Variants in ABTB1 observed in about 807,000 individuals in gnomAD.
The protein encoded by ABTB1 is ankyrin repeat and BTB domain containing 1.
A neutral mutation model predicts 57.1 loss-of-function variants in ABTB1; 45 were observed. That is an observed-to-expected ratio of 0.79 (90% confidence interval 0.62 to 1.01). ABTB1 has a LOEUF of 1.01. Ranked by LOEUF, ABTB1 falls within the 50% of genes least tolerant of loss-of-function variation. The probability of loss-of-function intolerance (pLI) is 0.00; values close to 1 mark genes in which losing one functional copy is unlikely to be tolerated. For missense variants in ABTB1, 630 were observed against 666.3 expected (o/e 0.95, Z 0.60); for synonymous variants, 302 against 275.4 (o/e 1.10, Z -0.95).
Position 127,673,078 on chromosome 3 carries a change from T to C in ABTB1, c.53T>C (p.Val18Ala). The C allele has an allele frequency of 6.4e-7, 1 of 1,569,856 alleles. No homozygotes were observed. The highest frequency in any genetic ancestry group is 8.6e-7 in the Non-Finnish European group (1 of 1,158,180). Residue 18 changes from valine to alanine, a missense_variant, in exon 1 of 12, where the codon GTG (valine) becomes GCG (alanine). Transcript: ENST00000232744. Reference protein sequence around the residue: ...ASCRKGDVGRVRYLLEQRDVE... With the variant: ...ASCRKGDVGRARYLLEQRDVE... ...TGCAGGAAGGGGGATGTGGGCCGAG[T>C]GCGGTGAGGACCTCGCAGTCCCGGG...
intron 10 of ABTB1, 185 bp from the exon 11 acceptor site, chr3:127,679,800 G>C: frequency 1.7e-6 from 1 of 592,708 alleles, no homozygotes; most frequent in Non-Finnish European, 3.0e-6. Flanking sequence ...CGGTCCTGCA[G>C]ATCCCTGTGG....
intron 3 of ABTB1, chr3:127,675,757 T>A: frequency 3.3e-6 from 2 of 610,204 alleles, no homozygotes; most frequent in Non-Finnish European, 5.7e-6. Flanking sequence ...TCCGTGTGAG[T>A]GAGTATGTGC....
Position 127,676,019 on chromosome 3 carries a change from GGCACTGA to G in ABTB1, c.227_233del (p.Ala76ValfsTer32). On this transcript the variant is annotated frameshift_variant, in exon 4 of 12. Coordinates refer to ENST00000232744, the MANE Select transcript of ABTB1 (RefSeq NM_172027.3). LOFTEE classifies it high-confidence loss of function. This position sits in a 1 kb window ranked among gnomAD's most constrained non-coding sequence, Gnocchi z 5.4. ...TCGATGGTGAGCGCTGCCTCTATGG[GGCACTGA>G]GTGACCCCATCCGCCGGGCTCTACG... 6.2e-7 allele frequency: 1 copy of G among 1,612,724 alleles called. No homozygotes were observed. The highest frequency in any genetic ancestry group is 1.1e-5 in the South Asian group (1 of 91,006).
At chr3:127,677,308 A>C (rs754869761) in intron 8 of ABTB1, 22 bp downstream of exon 8, 11 of 1,582,696 alleles carry the variant, frequency 7.0e-6, no homozygotes, top group Non-Finnish European at 8.6e-6. Flanking sequence ...GCTGGTGGGC[A>C]GGAAGGGCGT....
intron 1 of ABTB1, 196 bp downstream of exon 1, chr3:127,673,277 A>T: frequency 4.5e-6 from 2 of 439,674 alleles, no homozygotes; most frequent in Non-Finnish European, 7.4e-6. Context: ...GGGCGGGGAC[A>T]CTGATGGCCA....
Position 127,676,338 on chromosome 3 carries a change from T to G in ABTB1, c.387T>G (p.His129Gln). Residue 129 changes from histidine (H) to glutamine (Q), a missense_variant, in exon 5 of 12, where the codon CAT becomes CAG. Coordinates refer to ENST00000232744, the MANE Select transcript of ABTB1 (RefSeq NM_172027.3). The surrounding 1 kb of genome is among the most constrained non-coding windows in gnomAD (Gnocchi z 5.4). ...TACACGGGAAGCCATTCCGGGTGCA[T>G]CGCTGCGTCCTGGGTGCACGTAGTG... ...FVVHGKPFRV[H>Q]RCVLGARSAY... 6.2e-7 allele frequency: 1 copy of G among 1,614,106 alleles called. No homozygotes were observed. The highest frequency in any genetic ancestry group is 8.5e-7 in the Non-Finnish European group (1 of 1,179,996).
At chr3:127,674,369 C>T in intron 1 of ABTB1, 22 bp from the exon 2 acceptor site, 5 of 1,598,438 alleles carry the variant, frequency 3.1e-6, no homozygotes, top group Non-Finnish European at 4.3e-6. Context: ...CTGACCCAGG[C>T]TCTGACCTCC....
At chr3:127,678,527 G>A (rs2075044020) in intron 10 of ABTB1, 1 of 152,538 alleles carries the variant, frequency 6.6e-6, no homozygotes, top group Non-Finnish European at 1.5e-5. Context: ...CAGGTTCTGT[G>A]GGCCATATGG....
In ABTB1 at chr3:127,673,039, A is replaced by G. The variant is rs1342902440; in HGVS notation, c.14A>G (p.Asp5Gly). 6.4e-7 allele frequency: 1 copy of G among 1,573,240 alleles called. No homozygotes were observed. The highest frequency in any genetic ancestry group is 8.6e-7 in the Non-Finnish European group (1 of 1,159,864). The change falls in exon 1 of 12, where the codon GAC becomes GGC. Residue 5 changes from aspartate to glycine, a missense_variant. Physicochemically the swap from Asp to Gly is moderately conservative, Grantham distance 94 (BLOSUM62 -1). Coordinates refer to ENST00000232744, the MANE Select transcript of ABTB1 (RefSeq NM_172027.3). ...ATCCTCCGCGCCATGGACACCAGCG[A>G]CCTGTTCGCCAGCTGCAGGAAGGGG... is the stretch of plus-strand genomic sequence containing the variant. MDTS[D>G]LFASCRKGDV...
rs764861864 is a variant in ABTB1 at position 127,677,832 on chromosome 3, G to A, written c.1018G>A (p.Asp340Asn). 33 of 1,611,660 alleles carry A rather than the reference G, an allele frequency of 2.0e-5. No individual in the cohort carries two copies. The highest frequency in any genetic ancestry group is 2.7e-5 in the African/African-American group (2 of 74,898). Residue 340 changes from aspartate to asparagine, a missense_variant, in exon 10 of 12, where the codon GAC (aspartate) becomes AAC (asparagine). By Grantham distance (23) the Asp-to-Asn change is conservative. This residue lies in a region of ABTB1 where 579 missense variants were observed against 585.9 expected (regional missense o/e 0.99). Coordinates refer to ENST00000232744, the MANE Select transcript of ABTB1 (RefSeq NM_172027.3). ...FTHVLYYMYSDHTELSPEAAY... is the reference protein window; with the variant it reads ...FTHVLYYMYSNHTELSPEAAY... ...TCACGTGCTCTACTACATGTACAGCGACCACACTGAGGTGGGGGCTCAGGC... is the reference window on the plus strand; with the variant it reads ...TCACGTGCTCTACTACATGTACAGCAACCACACTGAGGTGGGGGCTCAGGC...
At chr3:127,675,911 G>T (rs2107554317) in intron 3 of ABTB1, 59 bp from the exon 4 acceptor site, 1 of 1,577,632 alleles carries the variant, frequency 6.3e-7, no homozygotes. Context: ...GAGGGACAGG[G>T]AGATTAGAAT....
intron 10 of ABTB1, chr3:127,679,746 C>T: frequency 5.0e-6 from 3 of 600,016 alleles, no homozygotes; most frequent in Non-Finnish European, 9.2e-6. Flanking sequence ...GCCCTGCCAG[C>T]CTGCTCAGGG....
Position 127,673,058 on chromosome 3 carries a change from G to T in ABTB1, c.33G>T (p.Arg11Ser). The T allele has an allele frequency of 6.3e-7, 1 of 1,577,306 alleles. No individual in the cohort carries two copies. MDTSDLFASC[R>S]KGDVGRVRYL... ...CCAGCGACCTGTTCGCCAGCTGCAG[G>T]AAGGGGGATGTGGGCCGAGTGCGGT... Residue 11 changes from arginine (R) to serine (S), a missense_variant, in exon 1 of 12, where the codon AGG (arginine) becomes AGT (serine). Physicochemically the swap from Arg to Ser is moderately radical, Grantham distance 110. Coordinates refer to ENST00000232744, the MANE Select transcript of ABTB1 (RefSeq NM_172027.3).
In ABTB1 at chr3:127,676,423, C is replaced by G; in HGVS notation, c.472C>G (p.His158Asp). The change falls in exon 5 of 12, where the codon CAC (histidine) becomes GAC (aspartate). Residue 158 changes from histidine (H) to aspartate (D), a missense_variant. His to Asp is a moderately conservative substitution (Grantham distance 81). Around this residue, in one of 3 missense-constraint regions of ABTB1, gnomAD observed 579 missense variants for 585.9 expected, o/e 0.99. Coordinates refer to ENST00000232744, the MANE Select transcript of ABTB1 (RefSeq NM_172027.3). This position sits in a 1 kb window ranked among gnomAD's most constrained non-coding sequence, Gnocchi z 5.4. ...WKGKSVVVLR[H>D]PLINPVAFGA... ...GGGCAAGAGTGTCGTGGTTCTCAGG[C>G]ACCCACTGGTATGTCCCTTCAGGGT... 1 of 1,613,970 alleles carries G rather than the reference C, an allele frequency of 6.2e-7. No individual in the cohort carries two copies. The highest frequency in any genetic ancestry group is 1.1e-5 in the South Asian group (1 of 91,056).
chr3:127,675,264 C>CTTTTTTTT (rs1170878832), intron 3 of ABTB1, among the ~76,000 whole-genome samples: 6 of 123,818 alleles, frequency 4.8e-5, no homozygotes, highest in Admixed American at 8.3e-5. Context: ...TTGGTTTTTT[C>CTTTTTTTT]TTTTTTTTTT....
chr3:127,680,845 G>C lies in ABTB1; in HGVS notation c.*370G>C, dbSNP rs779892498. ...AGCCCTGAATTGCTTCTCTAAGCTG[G>C]TGTTCCCATGCACAGGGCCATTCAG... On this transcript the variant is annotated 3_prime_UTR_variant, in exon 12 of 12. Coordinates refer to ENST00000232744, the MANE Select transcript of ABTB1 (RefSeq NM_172027.3). 1.6e-6 allele frequency: 1 copy of C among 623,442 alleles called. No individual in the cohort carries two copies. The highest frequency in any genetic ancestry group is 2.0e-5 in the South Asian group (1 of 49,604). The allele number at this position is 623,442 out of a possible 1,614,324, so 38.6% of individuals were successfully genotyped here.
rs773878210 is a variant in ABTB1, at chr3:127,680,774, C to A, written c.*299C>A. On this transcript the variant is annotated 3_prime_UTR_variant, in exon 12 of 12. Transcript: ENST00000232744. The stretch of plus-strand genomic sequence containing the variant: ...TCTTAGCACTTTCCTTCTCCAGATC[C>A]CCCCTACCCACCCCAGTCCCAAATC... The A allele has an allele frequency of 7.5e-6, 5 of 664,602 alleles. No homozygotes were observed. Among genetic ancestry groups the A allele is most frequent in the African/African-American group, 3.6e-5 (2 of 55,670 alleles). The allele number at this position is 664,602 out of a possible 1,614,324, so 41.2% of individuals were successfully genotyped here. A position where few individuals can be genotyped will look rare whatever the true frequency, so the allele number is the denominator to read the frequency against.
rs2074980044 is a variant in ABTB1 at position 127,676,248 on chromosome 3, C to T, written c.321-24C>T. The T allele has an allele frequency of 6.2e-7, 1 of 1,607,548 alleles. No homozygotes were observed. Among genetic ancestry groups the T allele is most frequent in the Non-Finnish European group, 8.5e-7 (1 of 1,175,154 alleles). On this transcript the variant is annotated intron_variant, in intron 4 of 11. Transcript: ENST00000232744. The surrounding 1 kb of genome is among the most constrained non-coding windows in gnomAD (Gnocchi z 5.4). ...GGGGTGGGGCTGTGCCAAGTATCCT[C>T]CCTCCTGGCTTGTCCCTCCCCAGGC...
chr3:127,677,509 C>T lies in ABTB1; in HGVS notation c.807C>T (p.Asn269=). Residue 269 remains asparagine, a synonymous_variant, in exon 9 of 12, where the codon AAC becomes AAT. Transcript: ENST00000232744. ...ELPFPCPDGF[N]SCPDICFRVA... is the part of the protein sequence containing the mutation. ...CCTTCCCTTGTCCTGACGGCTTCAA[C>T]AGCTGCCCTGACATCTGCTTCCGAG... 2 of 1,614,118 alleles carry T rather than the reference C, an allele frequency of 1.2e-6. No individual in the cohort carries two copies. The highest frequency in any genetic ancestry group is 1.3e-5 in the African/African-American group (1 of 75,052).
Sources: gnomAD v4.1 joint callset for allele counts (sites outside exome capture counted in the v4.1 genomes callset) on GRCh38, gnomAD v4.1.1 for gene constraint, gnomAD v4.1.1 regional missense constraint, Gnocchi (gnomAD v3.1) non-coding constraint, MANE v1.5 for transcripts, NCBI Gene and HGNC (gene_info 2026-07-23, HGNC 2026-07-21) for gene names.